The following GABRB3 variants were observed in gnomAD, a reference collection of about 807,000 sequenced individuals.
The protein encoded by GABRB3 is gamma-aminobutyric acid receptor subunit beta-3.
GABRB3 carries 14 observed loss-of-function variants against 52.1 expected under a neutral mutation model. That is an observed-to-expected ratio of 0.27 (90% CI 0.18 to 0.42). The LOEUF (loss-of-function observed/expected upper bound fraction) is 0.42. Ranked by LOEUF, GABRB3 falls within the 10% of genes least tolerant of loss-of-function variation. GABRB3 has a pLI of 1.00. For missense variants in GABRB3, 307 were observed against 609.1 expected (o/e 0.50, Z 5.22); for synonymous variants, 260 against 232.3 (o/e 1.12, Z -1.08).
At chr15:26,762,156 A>G (rs1890839827) in intron 3 of GABRB3, among the ~76,000 whole-genome samples, 1 of 152,208 alleles carries the variant, frequency 6.6e-6, no homozygotes, top group Admixed American at 6.5e-5. Flanking sequence ...TTCTTATAAT[A>G]GGTACAAGAA....
At chr15:26,773,649 G>A, upstream of GABRB3, 4 of 1,563,506 alleles carry the variant, frequency 2.6e-6, no homozygotes, top group South Asian at 1.2e-5. Flanking sequence ...CCTCACCTGC[G>A]GGGCTCAGAG....
chr15:26,584,241 C>T (rs1196184668), intron 4 of GABRB3, among the ~76,000 whole-genome samples: 1 of 152,180 alleles, frequency 6.6e-6, no homozygotes, highest in Non-Finnish European at 1.5e-5. Flanking sequence ...AAAGGGGTTT[C>T]CAAGGGAGTT....
intron 3 of GABRB3, among the ~76,000 whole-genome samples, chr15:26,717,555 C>T (rs1261428508): frequency 1.3e-5 from 2 of 152,204 alleles, no homozygotes; most frequent in African/African-American, 4.8e-5. Context: ...TTGTCCAAAT[C>T]ATGCCTTCCC....
chr15:26,747,042 G>A (rs1402591218), intron 3 of GABRB3, among the ~76,000 whole-genome samples: 1 of 152,138 alleles, frequency 6.6e-6, no homozygotes, highest in Non-Finnish European at 1.5e-5. Flanking sequence ...ATATTTGTGT[G>A]GGTCTATTTC....
intron 3 of GABRB3, among the ~76,000 whole-genome samples, chr15:26,719,286 C>A (rs1004600474): frequency 2.6e-5 from 4 of 152,256 alleles, no homozygotes; most frequent in Non-Finnish European, 5.9e-5. Context: ...TCAGCACGGA[C>A]TGTTCCAGGA....
intron 3 of GABRB3, among the ~76,000 whole-genome samples, chr15:26,693,334 T>C (rs1370791493): frequency 6.6e-6 from 1 of 152,200 alleles, no homozygotes; most frequent in East Asian, 1.9e-4. Context: ...CCTAGCAGTC[T>C]CTAAACGTTT....
At chr15:26,635,754 A>C in intron 3 of GABRB3, among the ~76,000 whole-genome samples, 1 of 152,206 alleles carries the variant, frequency 6.6e-6, no homozygotes, top group Admixed American at 6.5e-5. Flanking sequence ...AGGATTTGTC[A>C]ATGGATTTCC....
chr15:26,599,068 G>C (rs1891494520), intron 4 of GABRB3, among the ~76,000 whole-genome samples: 1 of 152,134 alleles, frequency 6.6e-6, no homozygotes, highest in Non-Finnish European at 1.5e-5. Flanking sequence ...AGGAAGTCAA[G>C]ATGATTCCAC....
intron 7 of GABRB3, among the ~76,000 whole-genome samples, chr15:26,566,657 T>C (rs967159382): frequency 3.3e-5 from 5 of 152,076 alleles, no homozygotes; most frequent in Non-Finnish European, 5.9e-5. Context: ...GTTCAGGAGG[T>C]TGAGGCTGCA....
intron 6 of GABRB3, among the ~76,000 whole-genome samples, chr15:26,576,586 G>C (rs1418184283): frequency 2.0e-5 from 3 of 152,112 alleles, no homozygotes; most frequent in African/African-American, 7.2e-5. Context: ...TAAATCTGGA[G>C]AGATTTTAAT....
chr15:26,642,121 A>G (rs1436293129), intron 3 of GABRB3, among the ~76,000 whole-genome samples: 2 of 152,172 alleles, frequency 1.3e-5, no homozygotes, highest in African/African-American at 4.8e-5. Context: ...TTGAACTCCC[A>G]GCCGCAAGCA....
intron 3 of GABRB3, among the ~76,000 whole-genome samples, chr15:26,763,879 C>T (rs1426624329): frequency 6.6e-6 from 1 of 151,854 alleles, no homozygotes; most frequent in Non-Finnish European, 1.5e-5. Context: ...GGCATGGTGG[C>T]TCACACCTGT....
At chr15:26,713,020 T>C (rs893835297) in intron 3 of GABRB3, among the ~76,000 whole-genome samples, 1 of 152,134 alleles carries the variant, frequency 6.6e-6, no homozygotes, top group Non-Finnish European at 1.5e-5. Context: ...CATGCCACCA[T>C]GGGGGAGTTC....
At chr15:26,593,451 T>C (rs1216779238) in intron 4 of GABRB3, among the ~76,000 whole-genome samples, 1 of 152,166 alleles carries the variant, frequency 6.6e-6, no homozygotes, top group Non-Finnish European at 1.5e-5. Context: ...CTCTGTACCT[T>C]TTAAACAATA....
At chr15:26,715,275 G>A (rs1310689071) in intron 3 of GABRB3, among the ~76,000 whole-genome samples, 1 of 152,118 alleles carries the variant, frequency 6.6e-6, no homozygotes, top group Non-Finnish European at 1.5e-5. Context: ...CTGAGAGACA[G>A]CAGAAAAACC....
chr15:26,764,800 C>T (rs180973326), intron 3 of GABRB3, among the ~76,000 whole-genome samples: 54 of 152,166 alleles, frequency 3.5e-4, no homozygotes, highest in Admixed American at 1.0e-3. Context: ...AGTGGGCAGG[C>T]GGAAGGGAAG....
intron 3 of GABRB3, among the ~76,000 whole-genome samples, chr15:26,741,758 A>C (rs1890214022): frequency 6.6e-6 from 1 of 152,014 alleles, no homozygotes; most frequent in African/African-American, 2.4e-5. Flanking sequence ...ACAGGCATGC[A>C]CCACTATGTC....
At chr15:26,770,047 C>A (rs889847914) in intron 3 of GABRB3, among the ~76,000 whole-genome samples, 4 of 152,172 alleles carry the variant, frequency 2.6e-5, no homozygotes, top group African/African-American at 9.7e-5. Context: ...CCCTCTAAAA[C>A]GTGAGTCCCT....
intron 3 of GABRB3, among the ~76,000 whole-genome samples, chr15:26,635,323 G>T (rs1269071230): frequency 6.6e-6 from 1 of 151,938 alleles, no homozygotes; most frequent in Non-Finnish European, 1.5e-5. Flanking sequence ...CAGGCTGGAT[G>T]ATCCATGCCT....
Sources: allele counts gnomAD v4.1 joint callset (sites outside exome capture counted in the v4.1 genomes callset), GRCh38; gene constraint gnomAD v4.1.1; transcripts MANE v1.5; gene names NCBI Gene and HGNC (gene_info 2026-07-23, HGNC 2026-07-21).